The following LRRC4C variants were observed in gnomAD, a reference collection of about 807,000 sequenced individuals.
LRRC4C encodes leucine rich repeat containing 4C, also known as leucine-rich repeat-containing protein 4C.
Under a neutral mutation model 33.6 loss-of-function variants are expected in LRRC4C, and 5 were observed. The ratio of observed to expected loss-of-function variants is 0.15; its 90% CI spans 0.08 to 0.31. The LOEUF is 0.31. LRRC4C is among the 10% of genes least tolerant of loss of function. The pLI is 1.00. For missense variants in LRRC4C, 560 were observed against 796.7 expected (o/e 0.70, Z 3.58); for synonymous variants, 329 against 302.0 (o/e 1.09, Z -0.93).
At chr11:40,438,926 CTTTTTT>C (rs869144067) in intron 3 of LRRC4C, among the ~76,000 whole-genome samples, 1 of 106,902 alleles carries the variant, frequency 9.4e-6, no homozygotes, top group Non-Finnish European at 1.8e-5. Flanking sequence ...TGAATTGCTA[CTTTTTT>C]TTTTTTTTTT....
chr11:40,561,147 C>A (rs7106472), intron 3 of LRRC4C, among the ~76,000 whole-genome samples: 8,729 of 152,142 alleles, frequency 0.057, 451 homozygotes, highest in African/African-American at 0.13. Flanking sequence ...CCGGGTTGCT[C>A]AGCACAATGC....
chr11:40,336,129 A>G (rs548936713), intron 3 of LRRC4C, among the ~76,000 whole-genome samples: 3 of 152,342 alleles, frequency 2.0e-5, no homozygotes, highest in African/African-American at 7.2e-5. Context: ...TGATGGCGAT[A>G]TAATAGCAGT....
chr11:40,279,332 T>C (rs982102520), intron 4 of LRRC4C, among the ~76,000 whole-genome samples: 1 of 152,204 alleles, frequency 6.6e-6, no homozygotes, highest in African/African-American at 2.4e-5. Context: ...ATCTGTTTCA[T>C]TGATCTCATC....
intron 1 of LRRC4C, among the ~76,000 whole-genome samples, chr11:41,241,721 T>C (rs1488354470): frequency 6.6e-6 from 1 of 152,166 alleles, no homozygotes; most frequent in Non-Finnish European, 1.5e-5. Context: ...AGAACTCAGT[T>C]GGAATTAATC....
At chr11:41,355,916 C>G (rs1243448563) in intron 1 of LRRC4C, among the ~76,000 whole-genome samples, 1 of 151,974 alleles carries the variant, frequency 6.6e-6, no homozygotes, top group South Asian at 2.1e-4. Context: ...AAGATGAACA[C>G]TACCAACATT....
At chr11:40,803,697 T>C (rs1416214698) in intron 2 of LRRC4C, among the ~76,000 whole-genome samples, 1 of 152,162 alleles carries the variant, frequency 6.6e-6, no homozygotes, top group Non-Finnish European at 1.5e-5. Flanking sequence ...ATGGTCTCGA[T>C]CTCCTGACCT....
chr11:41,145,690 A>C (rs897838988), intron 1 of LRRC4C, among the ~76,000 whole-genome samples: 1 of 152,126 alleles, frequency 6.6e-6, no homozygotes, highest in Non-Finnish European at 1.5e-5. Context: ...GTCCATTTGA[A>C]TATAAATACA....
intron 1 of LRRC4C, among the ~76,000 whole-genome samples, chr11:41,355,417 T>C (rs570562237): frequency 6.6e-6 from 1 of 152,212 alleles, no homozygotes; most frequent in South Asian, 2.1e-4. Context: ...CTATGCAAAA[T>C]GCAAAGGTAG....
chr11:40,257,124 A>C (rs1867270274), intron 4 of LRRC4C, among the ~76,000 whole-genome samples: 1 of 152,174 alleles, frequency 6.6e-6, no homozygotes, highest in African/African-American at 2.4e-5. Flanking sequence ...CCTTGCCAAG[A>C]AAGAAGCAGT....
intron 1 of LRRC4C, among the ~76,000 whole-genome samples, chr11:41,018,659 T>C (rs1381869865): frequency 6.6e-6 from 1 of 152,182 alleles, no homozygotes; most frequent in East Asian, 1.9e-4. Context: ...CTTTGGCATA[T>C]GCTCCAGGTT....
chr11:41,221,320 A>G lies in LRRC4C; in HGVS notation c.-496+238111T>C, dbSNP rs532842704. 2.8e-4 allele frequency among the ~76,000 whole-genome samples: 43 copies of G among 152,210 alleles called. No individual in the cohort carries two copies. In the South Asian group the frequency reaches 7.9e-3, roughly 28 times the overall value. ...AAAAAAAACCTCAATATCACTGATT[A>G]TTAGAGAAATGAAAATCAAAACACG... is the stretch of plus-strand genomic sequence containing the variant. On this transcript the variant is annotated intron_variant, in intron 1 of 6. Coordinates refer to ENST00000528697, the MANE Select transcript of LRRC4C (RefSeq NM_001258419.2).
chr11:40,337,332 A>G (rs974719486), intron 3 of LRRC4C, among the ~76,000 whole-genome samples: 5 of 152,216 alleles, frequency 3.3e-5, no homozygotes, highest in Non-Finnish European at 7.3e-5. Context: ...GAAACCATGC[A>G]ATGTAATTTA....
chr11:40,550,667 T>C (rs571129279), intron 3 of LRRC4C, among the ~76,000 whole-genome samples: 88 of 152,264 alleles, frequency 5.8e-4, no homozygotes, highest in African/African-American at 2.0e-3. Flanking sequence ...ATTTATGGTA[T>C]ATTATGACCC....
intron 2 of LRRC4C, among the ~76,000 whole-genome samples, chr11:40,710,382 A>G (rs1025325179): frequency 6.6e-6 from 1 of 151,860 alleles, no homozygotes; most frequent in Non-Finnish European, 1.5e-5. Context: ...TTTGGTGTGG[A>G]TATCCTTTTT....
At position 40,895,162 on chromosome 11, in the gene LRRC4C, C is replaced by A. The variant is rs577114137; in HGVS notation, c.-407+38473G>T. 3.9e-5 allele frequency among the ~76,000 whole-genome samples: 6 copies of A among 151,958 alleles called. No homozygotes were observed. The South Asian group carries it at 1.2e-3, about 32-fold the overall frequency. Reference sequence around the variant, plus strand: ...ATGTACTGAAAACTTGACAGAAATGCTAGAAATGTTTTTAAACTATAAGCA... The same window carrying A: ...ATGTACTGAAAACTTGACAGAAATGATAGAAATGTTTTTAAACTATAAGCA... On this transcript the variant is annotated intron_variant, in intron 2 of 6. Transcript: ENST00000528697.
At chr11:40,980,682 A>G (rs114647829) in intron 1 of LRRC4C, among the ~76,000 whole-genome samples, 2,139 of 152,314 alleles carry the variant, frequency 0.014, 56 homozygotes, top group African/African-American at 0.049. Context: ...AAAGAAAACT[A>G]AGAACCTTCT....
intron 3 of LRRC4C, among the ~76,000 whole-genome samples, chr11:40,366,044 A>G (rs1452329479): frequency 6.6e-6 from 1 of 152,158 alleles, no homozygotes; most frequent in East Asian, 1.9e-4. Flanking sequence ...ATAACCAACT[A>G]TCTCTATTAC....
chr11:40,770,227 A>T (rs1470198380), intron 2 of LRRC4C, among the ~76,000 whole-genome samples: 2 of 152,144 alleles, frequency 1.3e-5, no homozygotes, highest in African/African-American at 2.4e-5. Flanking sequence ...ACTTACAATC[A>T]TGGTGGAAAG....
chr11:40,551,737 T>C (rs1370799240), intron 3 of LRRC4C, among the ~76,000 whole-genome samples: 1 of 152,232 alleles, frequency 6.6e-6, no homozygotes, highest in Non-Finnish European at 1.5e-5. Context: ...TTCCACAAAT[T>C]GTACGTCTTG....
Sources: allele counts gnomAD v4.1 joint callset (sites outside exome capture counted in the v4.1 genomes callset), GRCh38; gene constraint gnomAD v4.1.1; transcripts MANE v1.5; gene names NCBI Gene and HGNC (gene_info 2026-07-23, HGNC 2026-07-21).